Variants in CNTNAP4 observed in about 807,000 individuals in gnomAD.
The protein encoded by CNTNAP4 is contactin associated protein family member 4, also known as contactin-associated protein-like 4.
CNTNAP4 carries 98 observed loss-of-function variants against 148.4 expected under a neutral mutation model. The observed-to-expected ratio is 0.66, with a 90% CI of 0.56 to 0.78. The LOEUF is 0.78. CNTNAP4 is among the 30% of genes least tolerant of loss of function. The probability of loss-of-function intolerance (pLI) is 0.00; values close to 1 mark genes in which losing one functional copy is unlikely to be tolerated. For missense variants in CNTNAP4, 1,935 were observed against 1,565.6 expected, an observed-to-expected ratio of 1.24 and a Z score of -3.98; for synonymous variants, 730 against 565.1, an observed-to-expected ratio of 1.29 and a Z score of -4.14.
chr16:76,355,840 T>TTTTATTTA (rs138725617), intron 3 of CNTNAP4, among the ~76,000 whole-genome samples: 1,459 of 141,740 alleles, frequency 0.01, 9 homozygotes, highest in Middle Eastern at 0.021. Flanking sequence ...TTGCATTGTC[T>TTTTATTTA]TTTATTTATT....
At chr16:76,294,023 A>G (rs1959182237) in intron 1 of CNTNAP4, among the ~76,000 whole-genome samples, 2 of 152,088 alleles carry the variant, frequency 1.3e-5, no homozygotes, top group Non-Finnish European at 1.5e-5. Context: ...CATTTCAGGG[A>G]CACTTCTTAT....
At chr16:76,356,765 C>T (rs1488968336) in intron 3 of CNTNAP4, among the ~76,000 whole-genome samples, 4 of 152,064 alleles carry the variant, frequency 2.6e-5, no homozygotes, top group Admixed American at 6.6e-5. Context: ...TTTCTTTGAC[C>T]AGTCAGTTGC....
intron 15 of CNTNAP4, among the ~76,000 whole-genome samples, chr16:76,517,009 G>A (rs1315640930): frequency 6.6e-6 from 1 of 152,144 alleles, no homozygotes; most frequent in African/African-American, 2.4e-5. Flanking sequence ...GGTTGCAGTG[G>A]CCAATATTGC....
intron 2 of CNTNAP4, among the ~76,000 whole-genome samples, chr16:76,346,617 G>T (rs1325820122): frequency 6.6e-6 from 1 of 152,104 alleles, no homozygotes; most frequent in Non-Finnish European, 1.5e-5. Flanking sequence ...AACATGGGCA[G>T]ATCCTGATTA....
chr16:76,306,492 A>G (rs1960493256), intron 1 of CNTNAP4, among the ~76,000 whole-genome samples: 1 of 152,212 alleles, frequency 6.6e-6, no homozygotes, highest in Non-Finnish European at 1.5e-5. Context: ...GTGAATATTT[A>G]GTTGGACCAG....
chr16:76,374,137 T>G (rs1024635176), intron 3 of CNTNAP4, among the ~76,000 whole-genome samples: 15 of 152,196 alleles, frequency 9.9e-5, no homozygotes, highest in Non-Finnish European at 1.8e-4. Flanking sequence ...ATGAGCATTT[T>G]AAGTACCTAA....
In CNTNAP4 at chr16:76,372,622, G is replaced by C. The variant is rs1031807498; in HGVS notation, c.390+17111G>C. 5.9e-5 allele frequency among the ~76,000 whole-genome samples: 9 copies of C among 152,022 alleles called. No homozygotes were observed. In the South Asian group the frequency reaches 6.2e-4, roughly 11 times the overall value. ...TGTAAAGGGTTTCCCCTTTCGCTTG[G>C]CTCTCATTCTGTCTTTTCTGCCACC... On this transcript the variant is annotated intron_variant, in intron 3 of 23. Coordinates refer to ENST00000611870, the MANE Select transcript of CNTNAP4 (RefSeq NM_033401.5).
intron 2 of CNTNAP4, among the ~76,000 whole-genome samples, chr16:76,317,328 C>T (rs1302456014): frequency 1.4e-5 from 2 of 141,836 alleles, no homozygotes; most frequent in Non-Finnish European, 3.0e-5. Context: ...CTCAGTTCAT[C>T]TTAGTTTGTG....
chr16:76,454,224 C>T (rs1180196896), intron 8 of CNTNAP4, among the ~76,000 whole-genome samples: 1 of 151,748 alleles, frequency 6.6e-6, no homozygotes, highest in South Asian at 2.1e-4. Flanking sequence ...AAGTGATTCT[C>T]CTGCCTCAGC....
At chr16:76,344,545 A>AAT (rs60573750) in intron 2 of CNTNAP4, among the ~76,000 whole-genome samples, 28,616 of 152,082 alleles carry the variant, frequency 0.19, 3,518 homozygotes, top group East Asian at 0.49. Flanking sequence ...TCAGATCTGA[A>AAT]ATTGGTTGAT....
rs1421448028 is a variant in CNTNAP4, at chr16:76,560,061, CT to C, written c.*1380del. 6.6e-6 allele frequency among the ~76,000 whole-genome samples: 1 copy of C among 152,066 alleles called. No individual in the cohort carries two copies. Among genetic ancestry groups the C allele is most frequent in the Non-Finnish European group, 1.5e-5 (1 of 67,996 alleles). ...AGGAGATCAAAGAATGATCAATAACCTTATGGAACTGTTACAATAATTAATC... is the reference window on the plus strand; with the variant it reads ...AGGAGATCAAAGAATGATCAATAACCTATGGAACTGTTACAATAATTAATC... On this transcript the variant is annotated 3_prime_UTR_variant, in exon 24 of 24. Coordinates refer to ENST00000611870, the MANE Select transcript of CNTNAP4 (RefSeq NM_033401.5).
At chr16:76,388,165 C>T (rs1205958906) in intron 3 of CNTNAP4, among the ~76,000 whole-genome samples, 3 of 152,160 alleles carry the variant, frequency 2.0e-5, no homozygotes, top group Non-Finnish European at 4.4e-5. Flanking sequence ...GCCAGATCAG[C>T]ATCTTGTGGT....
At chr16:76,484,275 G>GAAATAAAAAA (rs2081944968) in intron 12 of CNTNAP4, among the ~76,000 whole-genome samples, 1 of 71,228 alleles carries the variant, frequency 1.4e-5, no homozygotes, top group Non-Finnish European at 2.4e-5. Context: ...GGAGAGAAAT[G>GAAATAAAAAA]AAAAAAAAAA....
At chr16:76,552,807 T>G (rs1239553501) in intron 21 of CNTNAP4, among the ~76,000 whole-genome samples, 2 of 152,174 alleles carry the variant, frequency 1.3e-5, no homozygotes, top group African/African-American at 4.8e-5. Flanking sequence ...TAACAAATTG[T>G]CGGGTTGGGC....
Position 76,555,733 on chromosome 16 carries a change from A to G in CNTNAP4, c.3733+1826A>G, listed in dbSNP as rs181422979. On this transcript the variant is annotated intron_variant, in intron 23 of 23. Transcript: ENST00000611870. ...TAAGTCATCCTAAAGTTATTCTAGA[A>G]TAGAAACAAGTTACAGTTCATCTGT... Among the ~76,000 whole-genome samples, 207 of 152,378 alleles carry G rather than the reference A, an allele frequency of 1.4e-3. 3 individuals carry two copies. The highest frequency in any genetic ancestry group is 4.6e-3 in the African/African-American group (193 of 41,588).
chr16:76,520,918 T>G (rs2083427206), intron 15 of CNTNAP4, among the ~76,000 whole-genome samples: 1 of 152,164 alleles, frequency 6.6e-6, no homozygotes. Flanking sequence ...TCATTCTTAC[T>G]CTCTATTGGA....
At chr16:76,374,825 A>G (rs1486262853) in intron 3 of CNTNAP4, among the ~76,000 whole-genome samples, 1 of 151,046 alleles carries the variant, frequency 6.6e-6, no homozygotes, top group Non-Finnish European at 1.5e-5. Flanking sequence ...CTTGAGTGCA[A>G]TGGCTCAATC....
chr16:76,436,304 G>T (rs2079823652), intron 4 of CNTNAP4, among the ~76,000 whole-genome samples: 1 of 152,086 alleles, frequency 6.6e-6, no homozygotes, highest in Non-Finnish European at 1.5e-5. Flanking sequence ...AGTTTACAAG[G>T]TCAGTGTCCC....
intron 11 of CNTNAP4, among the ~76,000 whole-genome samples, chr16:76,477,495 C>A (rs1312441938): frequency 2.0e-5 from 3 of 152,128 alleles, no homozygotes; most frequent in African/African-American, 7.2e-5. Flanking sequence ...ATCCTGGGCT[C>A]CCAGCTCTGG....
Sources: allele counts gnomAD v4.1 joint callset (sites outside exome capture counted in the v4.1 genomes callset), GRCh38; gene constraint gnomAD v4.1.1; transcripts MANE v1.5; gene names NCBI Gene and HGNC (gene_info 2026-07-23, HGNC 2026-07-21).